Variants in GLI2 observed in about 807,000 individuals in gnomAD.
GLI2 encodes transcription activator GLI2.
GLI2 carries 22 observed loss-of-function variants against 78.9 expected under a neutral mutation model. That is an observed-to-expected ratio of 0.28 (90% CI 0.20 to 0.40). GLI2 has a LOEUF of 0.40. GLI2 is among the 10% of genes least tolerant of loss of function. GLI2 has a pLI of 1.00. For synonymous variants in GLI2, 974 were observed against 963.7 expected, an observed-to-expected ratio of 1.01 and a Z score of -0.20; for missense variants, 2,097 against 2,213.2, an observed-to-expected ratio of 0.95 and a Z score of 1.05.
intron 1 of GLI2, among the ~76,000 whole-genome samples, chr2:120,776,523 A>G (rs548952141): frequency 2.0e-5 from 3 of 152,112 alleles, no homozygotes; most frequent in South Asian, 2.1e-4. Flanking sequence ...CTTGCCCTAG[A>G]CACATTTGCC....
rs527693910 is a variant in GLI2 at position 120,968,889 on chromosome 2, C to T, written c.819C>T (p.Tyr273=). The change falls in exon 6 of 14, where the codon TAC becomes TAT. Residue 273 remains tyrosine (Y), a synonymous_variant. Transcript: ENST00000361492. ...GCAGCTCGGCGGCCAGCGGTTCCTA[C>T]GGGCATCTGTCAGCGGGTGCCCTCA... The part of the protein sequence containing the change: ...SRSSSAASGS[Y]GHLSAGALSP... The T allele has an allele frequency of 1.9e-5, 31 of 1,613,020 alleles. No individual in the cohort carries two copies. Among genetic ancestry groups the T allele is most frequent in the Middle Eastern group, 1.6e-4 (1 of 6,062 alleles).
Position 120,790,038 on chromosome 2 carries a change from G to A in GLI2, c.-30-7253G>A, listed in dbSNP as rs1684102718. Among the ~76,000 whole-genome samples the A allele has an allele frequency of 2.6e-5, 4 of 152,306 alleles. No homozygotes were observed. In the South Asian group the frequency reaches 8.3e-4, roughly 32 times the overall value. On this transcript the variant is annotated intron_variant, in intron 1 of 13. Transcript: ENST00000361492. Reference sequence around the variant, plus strand: ...TGCAGCGACACCCTAGGCAGAGGAGGGGGTCTAAGGAAGGACAGAGCAGTT... The same window carrying A: ...TGCAGCGACACCCTAGGCAGAGGAGAGGGTCTAAGGAAGGACAGAGCAGTT...
At chr2:120,786,229 G>A (rs2104677005) in intron 1 of GLI2, among the ~76,000 whole-genome samples, 1 of 152,348 alleles carries the variant, frequency 6.6e-6, no homozygotes, top group East Asian at 1.9e-4. Flanking sequence ...TCCTCTCCCT[G>A]TAGCTTGCCC....
chr2:120,738,103 C>T (rs1682425701), intron 1 of GLI2, among the ~76,000 whole-genome samples: 1 of 152,196 alleles, frequency 6.6e-6, no homozygotes, highest in Non-Finnish European at 1.5e-5. Context: ...CTACCTGGGC[C>T]TGACTCCACA....
At chr2:120,840,154 T>A (rs529112198) in intron 2 of GLI2, among the ~76,000 whole-genome samples, 1 of 152,304 alleles carries the variant, frequency 6.6e-6, no homozygotes, top group Admixed American at 6.5e-5. Flanking sequence ...TTTATTAAAT[T>A]TGAAGCCTTA....
chr2:120,876,151 C>G (rs2104693546), intron 2 of GLI2, among the ~76,000 whole-genome samples: 1 of 152,264 alleles, frequency 6.6e-6, no homozygotes, highest in East Asian at 1.9e-4. Flanking sequence ...ACCATCCTGG[C>G]TAACGCGGTG....
intron 2 of GLI2, among the ~76,000 whole-genome samples, chr2:120,912,017 C>G (rs1678846829): frequency 6.6e-6 from 1 of 152,126 alleles, no homozygotes; most frequent in South Asian, 2.1e-4. Flanking sequence ...GTCACTCAGA[C>G]CCTCCTCCTG....
intron 2 of GLI2, among the ~76,000 whole-genome samples, chr2:120,879,958 T>C (rs1018837103): frequency 2.0e-5 from 3 of 152,210 alleles, no homozygotes; most frequent in Admixed American, 6.5e-5. Context: ...AATGCTCATA[T>C]AGGGAAGTGT....
intron 1 of GLI2, among the ~76,000 whole-genome samples, chr2:120,766,050 C>A (rs903297118): frequency 3.9e-5 from 6 of 152,188 alleles, no homozygotes; most frequent in African/African-American, 7.2e-5. Context: ...AGCTCTTGCC[C>A]AGCTCCCCTC....
At chr2:120,767,509 A>C (rs907173449) in intron 1 of GLI2, among the ~76,000 whole-genome samples, 2 of 152,224 alleles carry the variant, frequency 1.3e-5, no homozygotes, top group Non-Finnish European at 2.9e-5. Flanking sequence ...CTGGGAAATT[A>C]AGTCGCATCT....
Position 120,989,036 on chromosome 2 carries a change from C to G in GLI2, c.3071C>G (p.Ala1024Gly), listed in dbSNP as rs1019643953. ...GAGAACGTGGCGATGGAGGCCGTGG[C>G]GGCAGGAGTGGACGGCGCGGGGCCC... The part of the protein sequence containing the change: ...ISENVAMEAV[A>G]AGVDGAGPEA... Residue 1024 changes from alanine (A) to glycine (G), a missense_variant, in exon 14 of 14, where the codon GCG becomes GGG. Around this residue, in one of 5 missense-constraint regions of GLI2, gnomAD observed 1,290 missense variants for 1,261.7 expected, o/e 1.02. Coordinates refer to ENST00000361492, the MANE Select transcript of GLI2 (RefSeq NM_001374353.1). The G allele has an allele frequency of 7.5e-6, 12 of 1,605,678 alleles. No homozygotes were observed. The highest frequency in any genetic ancestry group is 9.3e-6 in the Non-Finnish European group (11 of 1,178,826).
At chr2:120,739,543 G>C (rs531851552) in intron 1 of GLI2, among the ~76,000 whole-genome samples, 22 of 152,324 alleles carry the variant, frequency 1.4e-4, no homozygotes, top group Admixed American at 3.3e-4. Flanking sequence ...GAGCAAACCA[G>C]CCTTGCTTCT....
At chr2:120,907,850 G>A (rs984303628) in intron 2 of GLI2, among the ~76,000 whole-genome samples, 1 of 152,250 alleles carries the variant, frequency 6.6e-6, no homozygotes, top group Non-Finnish European at 1.5e-5. Context: ...AGGGGAACTT[G>A]CAGCAGCTTT....
In GLI2 at chr2:120,991,661, C is replaced by T. The variant is rs1683299373; in HGVS notation, c.*986C>T. Reference sequence around the variant, plus strand: ...CAATCCTGTTTCTCCAATGCAACGTCCACCCACTTTACCACCAAAAACTCC... The same window carrying T: ...CAATCCTGTTTCTCCAATGCAACGTTCACCCACTTTACCACCAAAAACTCC... On this transcript the variant is annotated 3_prime_UTR_variant, in exon 14 of 14. Transcript: ENST00000361492. 1 of 152,810 alleles carries T rather than the reference C, an allele frequency of 6.5e-6. No homozygotes were observed. Among genetic ancestry groups the T allele is most frequent in the South Asian group, 2.1e-4 (1 of 4,820 alleles). 9.5% of individuals were successfully genotyped at this position (152,810 alleles called of 1,614,324 possible). A position where few individuals can be genotyped will look rare whatever the true frequency, so the allele number is the denominator to read the frequency against.
rs538255041 is a variant in GLI2, at chr2:120,807,036, C to T, written c.148+9568C>T. Among the ~76,000 whole-genome samples the T allele has an allele frequency of 5.2e-4, 79 of 152,340 alleles. 1 individual carries two copies. Among genetic ancestry groups the T allele is most frequent in the African/African-American group, 1.9e-3 (77 of 41,584 alleles). On this transcript the variant is annotated intron_variant, in intron 2 of 13. Coordinates refer to ENST00000361492, the MANE Select transcript of GLI2 (RefSeq NM_001374353.1). Reference sequence around the variant, plus strand: ...TAGGACCTGGTAACACTGCTGTGTACAGCCCTGTGACCTGGCTGCTCAGTC... The same window carrying T: ...TAGGACCTGGTAACACTGCTGTGTATAGCCCTGTGACCTGGCTGCTCAGTC...
intron 2 of GLI2, among the ~76,000 whole-genome samples, chr2:120,874,240 T>G (rs1049306991): frequency 6.6e-6 from 1 of 152,196 alleles, no homozygotes; most frequent in Admixed American, 6.5e-5. Context: ...GGCTTTGGTC[T>G]GTCTTCTCAA....
Position 120,787,480 on chromosome 2 carries a change from GCTCCCGTGT to G in GLI2, c.-30-9810_-30-9802del, listed in dbSNP as rs1684030242. ...CTTGGCATGGGTCTGGGTGCCTGTGGCTCCCGTGTGCCAGGCTACTGGGGTCTGTTTCTG... is the reference window on the plus strand; with the variant it reads ...CTTGGCATGGGTCTGGGTGCCTGTGGGCCAGGCTACTGGGGTCTGTTTCTG... On this transcript the variant is annotated intron_variant, in intron 1 of 13. Transcript: ENST00000361492. 4.6e-5 allele frequency among the ~76,000 whole-genome samples: 7 copies of G among 152,164 alleles called. No homozygotes were observed. The South Asian group carries it at 1.4e-3, about 32-fold the overall frequency.
In GLI2 at chr2:120,797,315, G is replaced by T. The variant is rs985706505; in HGVS notation, c.-6G>T. On this transcript the variant is annotated 5_prime_UTR_variant, in exon 2 of 14. Coordinates refer to ENST00000361492, the MANE Select transcript of GLI2 (RefSeq NM_001374353.1). ...GGATTGCCACCCAGGACGATGAGCG[G>T]CTGAGATGGAGACGTCTGCCTCAGC... 1.9e-6 allele frequency: 3 copies of T among 1,613,820 alleles called. No homozygotes were observed. Among genetic ancestry groups the T allele is most frequent in the Non-Finnish European group, 2.5e-6 (3 of 1,179,904 alleles).
chr2:120,971,418 T>A (rs1274390712), intron 7 of GLI2, among the ~76,000 whole-genome samples: 2 of 152,254 alleles, frequency 1.3e-5, no homozygotes, highest in Non-Finnish European at 2.9e-5. Flanking sequence ...AGAAGTGTCC[T>A]CTGTTCCAGA....
Sources: gnomAD v4.1 joint callset for allele counts (sites outside exome capture counted in the v4.1 genomes callset) on GRCh38, gnomAD v4.1.1 for gene constraint, gnomAD v4.1.1 regional missense constraint, MANE v1.5 for transcripts, NCBI Gene and HGNC (gene_info 2026-07-23, HGNC 2026-07-21) for gene names.